OXR1: variants seen among roughly 807,000 people sequenced by gnomAD.
OXR1 encodes oxidation resistance protein 1.
Under a neutral mutation model 104.6 loss-of-function variants are expected in OXR1, and 41 were observed. The ratio of observed to expected loss-of-function variants is 0.39; its 90% CI spans 0.31 to 0.51. The LOEUF is 0.51. Among genes scored for constraint, OXR1 ranks in the 20% least tolerant of loss-of-function variants. The probability of loss-of-function intolerance (pLI) is 0.77; values close to 1 mark genes in which losing one functional copy is unlikely to be tolerated. For synonymous variants in OXR1, 348 were observed against 348.4 expected, an observed-to-expected ratio of 1.00 and a Z score of 0.01; for missense variants, 955 against 1,031.9, an observed-to-expected ratio of 0.93 and a Z score of 1.02.
chr8:106,625,310 A>C (rs1393689953), intron 3 of OXR1, among the ~76,000 whole-genome samples: 1 of 152,176 alleles, frequency 6.6e-6, no homozygotes, highest in Non-Finnish European at 1.5e-5. Context: ...CAAGAGAATT[A>C]CTTGAGACCA....
At chr8:106,317,188 C>G (rs1490756571) in intron 1 of OXR1, among the ~76,000 whole-genome samples, 1 of 152,116 alleles carries the variant, frequency 6.6e-6, no homozygotes, top group Non-Finnish European at 1.5e-5. Context: ...GTCATGTTTT[C>G]TTTTTTAAGG....
At chr8:106,549,376 CAGTA>C (rs1815627329) in intron 3 of OXR1, among the ~76,000 whole-genome samples, 1 of 151,360 alleles carries the variant, frequency 6.6e-6, no homozygotes, top group Non-Finnish European at 1.5e-5. Flanking sequence ...AGGAAATAGT[CAGTA>C]AACACTTGTT....
chr8:106,635,967 T>A (rs1444749870), intron 3 of OXR1, among the ~76,000 whole-genome samples: 2 of 152,230 alleles, frequency 1.3e-5, no homozygotes, highest in African/African-American at 2.4e-5. Flanking sequence ...ATGTTATACT[T>A]GTGAATACTT....
At chr8:106,698,315 T>C (rs1580428) in intron 7 of OXR1, among the ~76,000 whole-genome samples, 20,105 of 152,242 alleles carry the variant, frequency 0.13, 1,600 homozygotes, top group Non-Finnish European at 0.18. Context: ...TTGGTTGCAC[T>C]TAAGATGTTC....
At chr8:106,548,428 G>T (rs1444906573) in intron 3 of OXR1, among the ~76,000 whole-genome samples, 3 of 152,022 alleles carry the variant, frequency 2.0e-5, no homozygotes, top group African/African-American at 7.2e-5. Context: ...CTTTATCTTT[G>T]CCTCCCTCTT....
chr8:106,748,303 C>T (rs929891156), intron 16 of OXR1, among the ~76,000 whole-genome samples: 2 of 152,032 alleles, frequency 1.3e-5, no homozygotes, highest in African/African-American at 2.4e-5. Flanking sequence ...ATTTTGGGGA[C>T]GATATAGTTT....
chr8:106,633,422 G>T (rs946182607), intron 3 of OXR1, among the ~76,000 whole-genome samples: 1 of 151,944 alleles, frequency 6.6e-6, no homozygotes, highest in Non-Finnish European at 1.5e-5. Flanking sequence ...TTTTACTTTG[G>T]TCTTAGTGCT....
chr8:106,663,227 C>T (rs1241826434), intron 3 of OXR1, among the ~76,000 whole-genome samples: 1 of 152,036 alleles, frequency 6.6e-6, no homozygotes, highest in African/African-American at 2.4e-5. Context: ...ATCCTATTTT[C>T]CTTTTGAAAA....
At chr8:106,505,922 A>G (rs898920082) in intron 2 of OXR1, among the ~76,000 whole-genome samples, 12 of 152,260 alleles carry the variant, frequency 7.9e-5, no homozygotes, top group African/African-American at 2.9e-4. Flanking sequence ...TCTGGTTGCT[A>G]TAGCAGAGTA....
intron 2 of OXR1, among the ~76,000 whole-genome samples, chr8:106,402,535 T>A (rs1480902017): frequency 6.6e-6 from 1 of 152,206 alleles, no homozygotes; most frequent in African/African-American, 2.4e-5. Context: ...GAACTAAAAC[T>A]TCATTGGTCA....
rs553298887 is a variant in OXR1, at chr8:106,611,629, C to T, written c.221-67581C>T. The stretch of plus-strand genomic sequence containing the variant: ...TAAGTAGATCAAAGTGTTTGTCCCA[C>T]GCAAATTGGCAGCGCTTGTCAGAGT... On this transcript the variant is annotated intron_variant, in intron 3 of 16. Coordinates refer to ENST00000517566, the MANE Select transcript of OXR1 (RefSeq NM_001198533.2). Among the ~76,000 whole-genome samples the T allele has an allele frequency of 6.6e-5, 10 of 152,286 alleles. No individual in the cohort carries two copies. In the East Asian group the frequency reaches 1.7e-3, roughly 26 times the overall value.
At chr8:106,479,471 C>T (rs1349045024) in intron 2 of OXR1, among the ~76,000 whole-genome samples, 1 of 152,104 alleles carries the variant, frequency 6.6e-6, no homozygotes, top group African/African-American at 2.4e-5. Context: ...ACAATTACTT[C>T]CACTAAATTC....
intron 3 of OXR1, among the ~76,000 whole-genome samples, chr8:106,672,143 A>G (rs533931881): frequency 6.6e-6 from 1 of 151,978 alleles, no homozygotes; most frequent in East Asian, 1.9e-4. Context: ...GGAAGGCAAC[A>G]AAGGAGAGAA....
chr8:106,712,242 C>A (rs75396637), intron 10 of OXR1, among the ~76,000 whole-genome samples: 2,245 of 152,132 alleles, frequency 0.015, 33 homozygotes, highest in Admixed American at 0.047. Flanking sequence ...CATCAGTGGA[C>A]AACTCCATTG....
At chr8:106,713,183 T>C (rs549224609) in intron 10 of OXR1, among the ~76,000 whole-genome samples, 21 of 151,990 alleles carry the variant, frequency 1.4e-4, no homozygotes, top group Non-Finnish European at 2.1e-4. Context: ...CTGAAAGTTA[T>C]ATAATCAATT....
At chr8:106,505,095 G>A (rs950424266) in intron 2 of OXR1, among the ~76,000 whole-genome samples, 3 of 152,180 alleles carry the variant, frequency 2.0e-5, no homozygotes, top group African/African-American at 7.2e-5. Flanking sequence ...TATAGATCAG[G>A]AGATAGCTGT....
chr8:106,674,413 C>T (rs1295083102), intron 3 of OXR1, among the ~76,000 whole-genome samples: 1 of 152,204 alleles, frequency 6.6e-6, no homozygotes, highest in Non-Finnish European at 1.5e-5. Context: ...TCTGTACCCA[C>T]ATTGTGTCTT....
intron 1 of OXR1, among the ~76,000 whole-genome samples, chr8:106,274,430 T>C (rs921187799): frequency 6.6e-6 from 1 of 152,188 alleles, no homozygotes; most frequent in Admixed American, 6.5e-5. Flanking sequence ...CCCATTTTTG[T>C]TATTGGTTTG....
intron 1 of OXR1, among the ~76,000 whole-genome samples, chr8:106,288,602 C>A (rs13272635): frequency 6.8e-6 from 1 of 146,682 alleles, no homozygotes; most frequent in Non-Finnish European, 1.5e-5. Context: ...CATATATATA[C>A]TCTCTATATA....
Sources: gnomAD v4.1 joint callset for allele counts (sites outside exome capture counted in the v4.1 genomes callset) on GRCh38, gnomAD v4.1.1 for gene constraint, MANE v1.5 for transcripts, NCBI Gene and HGNC (gene_info 2026-07-23, HGNC 2026-07-21) for gene names.